SH3PXD2A: variants seen among roughly 807,000 people sequenced by gnomAD.
SH3PXD2A encodes SH3 and PX domain-containing protein 2A.
SH3PXD2A carries 32 observed loss-of-function variants against 115.2 expected under a neutral mutation model. The observed-to-expected ratio is 0.28, with a 90% confidence interval of 0.21 to 0.37. The LOEUF (loss-of-function observed/expected upper bound fraction) is 0.37. SH3PXD2A is among the 10% of genes least tolerant of loss of function. The probability of loss-of-function intolerance (pLI) is 1.00; values close to 1 mark genes in which losing one functional copy is unlikely to be tolerated. For missense variants in SH3PXD2A, 1,328 were observed against 1,498.7 expected, an observed-to-expected ratio of 0.89 and a Z score of 1.88; for synonymous variants, 610 against 629.1, an observed-to-expected ratio of 0.97 and a Z score of 0.45.
chr10:103,829,300 G>A (rs1564899210), intron 1 of SH3PXD2A, among the ~76,000 whole-genome samples: 2 of 152,096 alleles, frequency 1.3e-5, no homozygotes, highest in Admixed American at 1.3e-4. Context: ...GAGGCACGCA[G>A]GCATCCGATC....
intron 3 of SH3PXD2A, among the ~76,000 whole-genome samples, chr10:103,755,923 G>T (rs564687579): frequency 6.6e-6 from 1 of 152,124 alleles, no homozygotes; most frequent in Non-Finnish European, 1.5e-5. Context: ...CAGGGGTGTC[G>T]CCAGGCCACC....
chr10:103,730,074 C>T (rs1036430990), intron 4 of SH3PXD2A, among the ~76,000 whole-genome samples: 3 of 152,158 alleles, frequency 2.0e-5, no homozygotes, highest in Non-Finnish European at 4.4e-5. Context: ...CCTTCTGCCT[C>T]GAAACGGTCA....
At chr10:103,685,552 C>A (rs957150612) in intron 6 of SH3PXD2A, among the ~76,000 whole-genome samples, 2 of 152,220 alleles carry the variant, frequency 1.3e-5, no homozygotes, top group East Asian at 3.9e-4. Flanking sequence ...CTGAAACCAG[C>A]GCTCTCTCCT....
At chr10:103,779,360 G>C (rs1300092452) in intron 2 of SH3PXD2A, among the ~76,000 whole-genome samples, 2 of 152,162 alleles carry the variant, frequency 1.3e-5, no homozygotes, top group Non-Finnish European at 2.9e-5. Flanking sequence ...ACTATGGATG[G>C]GAGCTACACC....
chr10:103,733,910 G>A (rs921511121), intron 4 of SH3PXD2A, among the ~76,000 whole-genome samples: 4 of 147,614 alleles, frequency 2.7e-5, no homozygotes, highest in Non-Finnish European at 5.9e-5. Context: ...GTGCTACCAC[G>A]CCTGGCTAAT....
intron 2 of SH3PXD2A, among the ~76,000 whole-genome samples, chr10:103,781,600 T>C (rs527999632): frequency 4.3e-4 from 66 of 152,278 alleles, no homozygotes; most frequent in African/African-American, 1.4e-3. Flanking sequence ...GGGAAGGCAA[T>C]AGAAAATGTA....
chr10:103,673,158 G>C (rs2037486185), intron 6 of SH3PXD2A: 1 of 152,214 alleles, frequency 6.6e-6, no homozygotes, highest in African/African-American at 2.4e-5. Context: ...GAGGGTCCTT[G>C]GCTGCTCTGA....
chr10:103,636,721 CA>C (rs2036871850), intron 8 of SH3PXD2A, among the ~76,000 whole-genome samples: 1 of 152,142 alleles, frequency 6.6e-6, no homozygotes, highest in African/African-American at 2.4e-5. Context: ...TCTGAGGTCA[CA>C]GCTCAGCCTA....
rs1298545866 is a variant in SH3PXD2A at position 103,855,371 on chromosome 10, C to T, written c.-105G>A. ...CGGGGTCCCGGGGCCGCCCGCCACC[C>T]CGGCCCGGCGCGCCGAACGCTGCCC... On this transcript the variant is annotated 5_prime_UTR_variant, in exon 1 of 15. Transcript: ENST00000369774. The T allele has an allele frequency of 5.9e-6, 5 of 842,194 alleles. No individual in the cohort carries two copies. The highest frequency in any genetic ancestry group is 1.8e-5 in the African/African-American group (1 of 55,110). 52.2% of individuals were successfully genotyped at this position (842,194 alleles called of 1,614,324 possible).
chr10:103,598,606 C>G lies in SH3PXD2A; in HGVS notation c.*3210G>C, dbSNP rs765523787. The stretch of plus-strand genomic sequence containing the variant: ...CATGGGAAACTAGGTTTGGACACTG[C>G]GGAGATTTTGTTTTTCTTTTTCCTT... On this transcript the variant is annotated 3_prime_UTR_variant, in exon 15 of 15. Transcript: ENST00000369774. The G allele has an allele frequency of 6.5e-6, 1 of 152,758 alleles. No individual in the cohort carries two copies. The highest frequency in any genetic ancestry group is 2.1e-4 in the South Asian group (1 of 4,826). The allele number at this position is 152,758 out of a possible 1,614,324, so 9.5% of individuals were successfully genotyped here. A position where few individuals can be genotyped will look rare whatever the true frequency, so the allele number is the denominator to read the frequency against.
chr10:103,657,261 T>C (rs2037225817), intron 8 of SH3PXD2A, among the ~76,000 whole-genome samples: 1 of 133,120 alleles, frequency 7.5e-6, no homozygotes, highest in African/African-American at 2.9e-5. Context: ...CTTCTTCCCC[T>C]GGCCTGCAGT....
chr10:103,665,994 G>T lies in SH3PXD2A; in HGVS notation c.472+2614C>A, dbSNP rs543404715. On this transcript the variant is annotated intron_variant, in intron 7 of 14. Coordinates refer to ENST00000369774, the MANE Select transcript of SH3PXD2A (RefSeq NM_001394015.1). This position sits in a 1 kb window ranked among gnomAD's most constrained non-coding sequence, Gnocchi z 4.0. ...GGTCCCAGGGGTCCCCTGGACCCCT[G>T]CCCCACCCTTGCCTCACATCTGCAT... Among the ~76,000 whole-genome samples, 1 of 152,164 alleles carries T rather than the reference G, an allele frequency of 6.6e-6. No homozygotes were observed. Among genetic ancestry groups the T allele is most frequent in the South Asian group, 2.1e-4 (1 of 4,804 alleles).
At chr10:103,732,151 C>T (rs1358682265) in intron 4 of SH3PXD2A, among the ~76,000 whole-genome samples, 1 of 152,230 alleles carries the variant, frequency 6.6e-6, no homozygotes. Context: ...ACACTCCTCT[C>T]TGAACCCCTC....
chr10:103,619,652 CAG>C (rs1209591480), intron 10 of SH3PXD2A, among the ~76,000 whole-genome samples: 1 of 152,150 alleles, frequency 6.6e-6, no homozygotes, highest in Non-Finnish European at 1.5e-5. Context: ...GCGTGGAAGA[CAG>C]AATCCCGTGG....
In SH3PXD2A at chr10:103,627,082, C is replaced by G. The variant is rs747728563; in HGVS notation, c.718+7G>C. On this transcript the variant is annotated splice_region_variant and intron_variant, in intron 9 of 14. Coordinates refer to ENST00000369774, the MANE Select transcript of SH3PXD2A (RefSeq NM_001394015.1). The surrounding 1 kb of genome is among the most constrained non-coding windows in gnomAD (Gnocchi z 4.4). ...GCTCCCTGCCCCTTGGACCTGCAAGCCCTCACCTTCTCCAGTCTTAGAGGT... is the reference window on the plus strand; with the variant it reads ...GCTCCCTGCCCCTTGGACCTGCAAGGCCTCACCTTCTCCAGTCTTAGAGGT... 4.5e-6 allele frequency: 7 copies of G among 1,545,644 alleles called. No individual in the cohort carries two copies. The highest frequency in any genetic ancestry group is 6.3e-6 in the Non-Finnish European group (7 of 1,117,556).
intron 2 of SH3PXD2A, among the ~76,000 whole-genome samples, chr10:103,767,775 AAG>A (rs2038770385): frequency 1.3e-5 from 2 of 148,236 alleles, no homozygotes; most frequent in African/African-American, 5.1e-5. Context: ...GACCCACTGG[AAG>A]AGTTTCCAGG....
intron 8 of SH3PXD2A, among the ~76,000 whole-genome samples, chr10:103,633,727 CAAAAAAAAAAAAAAA>C (rs35917262): frequency 1.3e-5 from 1 of 74,320 alleles, no homozygotes; most frequent in African/African-American, 5.2e-5. Context: ...GATTCTGTCT[CAAAAAAAAAAAAAAA>C]AAAAAAAAAA....
intron 4 of SH3PXD2A, among the ~76,000 whole-genome samples, chr10:103,735,143 A>C (rs2038365775): frequency 6.6e-6 from 1 of 152,246 alleles, no homozygotes; most frequent in Admixed American, 6.5e-5. Flanking sequence ...CTGGGCTCTA[A>C]TCAAAGACAG....
chr10:103,780,960 A>C lies in SH3PXD2A; in HGVS notation c.154-13791T>G, dbSNP rs566599326. On this transcript the variant is annotated intron_variant, in intron 2 of 14. Transcript: ENST00000369774. ...GACCTCTCTAGTCACACGCCCTGCC[A>C]CCCTTGCTTGTCCGTCCCTGCACAC... Among the ~76,000 whole-genome samples the C allele has an allele frequency of 1.4e-4, 21 of 152,016 alleles. No homozygotes were observed. In the East Asian group the frequency reaches 3.9e-3, roughly 28 times the overall value.
Sources: gnomAD v4.1 joint callset for allele counts (sites outside exome capture counted in the v4.1 genomes callset) on GRCh38, gnomAD v4.1.1 for gene constraint, Gnocchi (gnomAD v3.1) non-coding constraint, MANE v1.5 for transcripts, NCBI Gene and HGNC (gene_info 2026-07-23, HGNC 2026-07-21) for gene names.